ITPR1: variants seen among roughly 807,000 people sequenced by gnomAD.
The protein encoded by ITPR1 is inositol 1,4,5-trisphosphate receptor type 1, also known as inositol 1,4,5-trisphosphate-gated calcium channel ITPR1.
A neutral mutation model predicts 318.4 loss-of-function variants in ITPR1; 96 were observed. The observed-to-expected ratio is 0.30, with a 90% CI of 0.26 to 0.36. The LOEUF is 0.36. ITPR1 is among the 10% of genes least tolerant of loss of function. The pLI, the probability that ITPR1 is intolerant of heterozygous loss-of-function variation, is 1.00. For synonymous variants in ITPR1, 1,312 were observed against 1,289.9 expected, an observed-to-expected ratio of 1.02 and a Z score of -0.37; for missense variants, 2,440 against 3,460.2, an observed-to-expected ratio of 0.71 and a Z score of 7.40.
At chr3:4,756,054 T>A (rs1369404268) in intron 44 of ITPR1, among the ~76,000 whole-genome samples, 2 of 152,202 alleles carry the variant, frequency 1.3e-5, no homozygotes, top group African/African-American at 4.8e-5. Flanking sequence ...GAGTGATAAT[T>A]TATGCCAAGG....
chr3:4,648,018 G>T (rs1345880471), intron 10 of ITPR1, among the ~76,000 whole-genome samples: 2 of 152,170 alleles, frequency 1.3e-5, no homozygotes, highest in Non-Finnish European at 2.9e-5. Flanking sequence ...CAAGCGTGGT[G>T]GCACATGCCT....
chr3:4,713,587 G>A (rs967816481), intron 39 of ITPR1, among the ~76,000 whole-genome samples: 11 of 152,160 alleles, frequency 7.2e-5, no homozygotes, highest in Non-Finnish European at 1.6e-4. Context: ...GTGCCAACTG[G>A]GAGAGCATCC....
intron 39 of ITPR1, among the ~76,000 whole-genome samples, chr3:4,715,530 G>C (rs944473229): frequency 6.6e-6 from 1 of 152,142 alleles, no homozygotes; most frequent in African/African-American, 2.4e-5. Flanking sequence ...CACTTGTCTG[G>C]GTCCAGTGCC....
intron 25 of ITPR1, 39 bp downstream of exon 25, chr3:4,680,730 A>G (rs1323286931): frequency 1.9e-6 from 3 of 1,562,972 alleles, no homozygotes; most frequent in East Asian, 2.3e-5. Flanking sequence ...ATAGAATGGG[A>G]CCTGGCTCTA....
chr3:4,555,498 C>T (rs2086031888), intron 4 of ITPR1, among the ~76,000 whole-genome samples: 1 of 152,120 alleles, frequency 6.6e-6, no homozygotes, highest in African/African-American at 2.4e-5. Flanking sequence ...TTTCTTAACC[C>T]ATTTTTTGTT....
chr3:4,757,546 T>G (rs1315156462), intron 44 of ITPR1, among the ~76,000 whole-genome samples: 1 of 152,020 alleles, frequency 6.6e-6, no homozygotes, highest in Non-Finnish European at 1.5e-5. Flanking sequence ...GGAGAGGTGT[T>G]TAACAGAGCA....
rs151014971 is a variant in ITPR1 at position 4,741,981 on chromosome 3, A to G, written c.5544+6627A>G. On this transcript the variant is annotated intron_variant, in intron 44 of 61. Coordinates refer to ENST00000649015, the MANE Select transcript of ITPR1 (RefSeq NM_001378452.1). ...TGGGGGTTCGAGAGCTGTTGGCATT[A>G]AAGAAAGAGGGAGGCAGTGACTTGT... Among the ~76,000 whole-genome samples the G allele has an allele frequency of 3.7e-3, 559 of 152,240 alleles. 3 individuals are homozygous for G. Among genetic ancestry groups the G allele is most frequent in the Middle Eastern group, 6.8e-3 (2 of 294 alleles).
At chr3:4,533,212 A>C (rs962352917) in intron 4 of ITPR1, among the ~76,000 whole-genome samples, 6 of 152,228 alleles carry the variant, frequency 3.9e-5, no homozygotes, top group Non-Finnish European at 8.8e-5. Flanking sequence ...GAATGTTTGA[A>C]AAAATGAACA....
At chr3:4,796,610 G>T (rs192686050) in intron 53 of ITPR1, among the ~76,000 whole-genome samples, 3 of 152,044 alleles carry the variant, frequency 2.0e-5, no homozygotes, top group African/African-American at 4.8e-5. Flanking sequence ...TTTATTATTC[G>T]CCACGTCTGT....
Position 4,844,892 on chromosome 3 carries a change from A to G in ITPR1, c.8191-1247A>G, listed in dbSNP as rs538499356. Reference sequence around the variant, plus strand: ...GAGGATAATGCTAGTTTTGAAGAAGAAAAAATAACCACATTGAAATTGAAC... The same window carrying G: ...GAGGATAATGCTAGTTTTGAAGAAGGAAAAATAACCACATTGAAATTGAAC... On this transcript the variant is annotated intron_variant, in intron 61 of 61. Transcript: ENST00000649015. Among the ~76,000 whole-genome samples, 25 of 152,366 alleles carry G rather than the reference A, an allele frequency of 1.6e-4. No individual in the cohort carries two copies. In the South Asian group the frequency reaches 1.7e-3, roughly 10 times the overall value.
At chr3:4,658,967 A>G (rs1383604477) in intron 13 of ITPR1, among the ~76,000 whole-genome samples, 1 of 152,192 alleles carries the variant, frequency 6.6e-6, no homozygotes, top group Admixed American at 6.5e-5. Context: ...CCAGTGAGAG[A>G]TAGGTATTGC....
chr3:4,625,583 GTC>G lies in ITPR1; in HGVS notation c.164-2178_164-2177del, dbSNP rs576189983. ...TTTATTTTTATTTTTTTGAGACAGA[GTC>G]TGGCTCTGTCGCCCAGGCTGGAGTG... On this transcript the variant is annotated intron_variant, in intron 4 of 61. Transcript: ENST00000649015. Among the ~76,000 whole-genome samples the G allele has an allele frequency of 2.8e-3, 429 of 152,176 alleles. 6 individuals are homozygous for G. Among genetic ancestry groups the G allele is most frequent in the Middle Eastern group, 0.014 (4 of 294 alleles).
In ITPR1 at chr3:4,538,929, G is replaced by A. The variant is rs150675483; in HGVS notation, c.163+17835G>A. On this transcript the variant is annotated intron_variant, in intron 4 of 61. Coordinates refer to ENST00000649015, the MANE Select transcript of ITPR1 (RefSeq NM_001378452.1). Reference sequence around the variant, plus strand: ...AGAATAAACAGCTAATGCATGCGGGGCTTAATACCTAGGTGATAGGTTGAT... The same window carrying A: ...AGAATAAACAGCTAATGCATGCGGGACTTAATACCTAGGTGATAGGTTGAT... Among the ~76,000 whole-genome samples the A allele has an allele frequency of 3.0e-4, 45 of 152,220 alleles. 1 individual carries two copies. Among genetic ancestry groups the A allele is most frequent in the African/African-American group, 1.1e-3 (45 of 41,528 alleles).
At chr3:4,762,266 G>A (rs1488353087) in intron 44 of ITPR1, among the ~76,000 whole-genome samples, 1 of 152,172 alleles carries the variant, frequency 6.6e-6, no homozygotes, top group African/African-American at 2.4e-5. Context: ...ACATGTGAAG[G>A]TTTGCCTGAG....
intron 14 of ITPR1, among the ~76,000 whole-genome samples, chr3:4,661,855 T>TTA (rs1390133636): frequency 4.6e-5 from 7 of 152,242 alleles, no homozygotes. Flanking sequence ...AAAAATGATA[T>TTA]TAATGCCTCC....
rs542620256 is a variant in ITPR1 at position 4,613,785 on chromosome 3, T to A, written c.164-13978T>A. ...ATGAAAAGCATTTTATTTTTATTTT[T>A]TATTGAGGTATTTCATATATGCATG... is the stretch of plus-strand genomic sequence containing the variant. On this transcript the variant is annotated intron_variant, in intron 4 of 61. Transcript: ENST00000649015. 1.4e-3 allele frequency among the ~76,000 whole-genome samples: 206 copies of A among 152,310 alleles called. 1 individual carries two copies. Among genetic ancestry groups the A allele is most frequent in the South Asian group, 5.6e-3 (27 of 4,820 alleles).
chr3:4,602,106 A>G (rs1202083408), intron 4 of ITPR1, among the ~76,000 whole-genome samples: 5 of 152,244 alleles, frequency 3.3e-5, no homozygotes, highest in African/African-American at 1.2e-4. Flanking sequence ...AAAATGACAC[A>G]ACCACTTTGT....
At chr3:4,714,306 C>T (rs1312949143) in intron 39 of ITPR1, among the ~76,000 whole-genome samples, 3 of 147,746 alleles carry the variant, frequency 2.0e-5, no homozygotes, top group Non-Finnish European at 2.9e-5. Context: ...GACGACACCA[C>T]GGTGAGTGTG....
intron 4 of ITPR1, among the ~76,000 whole-genome samples, chr3:4,545,699 T>A (rs1029225546): frequency 4.0e-5 from 6 of 149,466 alleles, no homozygotes; most frequent in African/African-American, 1.5e-4. Context: ...AACTTTTTTT[T>A]TTTTTTTTTT....
Sources: allele counts gnomAD v4.1 joint callset (sites outside exome capture counted in the v4.1 genomes callset), GRCh38; gene constraint gnomAD v4.1.1; transcripts MANE v1.5; gene names NCBI Gene and HGNC (gene_info 2026-07-23, HGNC 2026-07-21).